TPO: variants seen among roughly 807,000 people sequenced by gnomAD.
The protein encoded by TPO is thyroid peroxidase.
TPO carries 78 observed loss-of-function variants against 96.9 expected under a neutral mutation model. The ratio of observed to expected loss-of-function variants is 0.81; its 90% confidence interval spans 0.67 to 0.97. The LOEUF is 0.97. Ranked by LOEUF, TPO falls within the 50% of genes least tolerant of loss-of-function variation. The pLI, the probability that TPO is intolerant of heterozygous loss-of-function variation, is 0.00. For synonymous variants in TPO, 547 were observed against 538.0 expected (o/e 1.02, Z -0.23); for missense variants, 1,252 against 1,274.8 (o/e 0.98, Z 0.27).
intron 1 of TPO, among the ~76,000 whole-genome samples, chr2:1,401,364 A>G (rs545521475): frequency 6.6e-6 from 1 of 152,294 alleles, no homozygotes; most frequent in South Asian, 2.1e-4. Context: ...CAATGCACCC[A>G]ATCAGTTAGA....
upstream of TPO, among the ~76,000 whole-genome samples, chr2:1,409,791 C>T (rs1200540849): frequency 1.9e-5 from 2 of 102,644 alleles, no homozygotes; most frequent in African/African-American, 8.2e-5. Flanking sequence ...AAAAACAGTG[C>T]GCGCACACAC....
intron 13 of TPO, among the ~76,000 whole-genome samples, chr2:1,499,740 C>T (rs1437551741): frequency 6.6e-6 from 1 of 152,194 alleles, no homozygotes; most frequent in African/African-American, 2.4e-5. Flanking sequence ...CATCGGCCAA[C>T]CCTAACTCAT....
Position 1,477,504 on chromosome 2 carries a change from AG to A in TPO, c.1239del (p.Glu413AspfsTer38), listed in dbSNP as rs1469585925. 3 of 1,531,604 alleles carry A rather than the reference AG, an allele frequency of 2.0e-6. No homozygotes were observed. Among genetic ancestry groups the A allele is most frequent in the Non-Finnish European group, 2.6e-6 (3 of 1,144,556 alleles). The allele number at this position is 1,531,604 out of a possible 1,614,324, so 94.9% of individuals were successfully genotyped here. On this transcript the variant is annotated frameshift_variant, in exon 8 of 17. Transcript: ENST00000329066. LOFTEE classifies it high-confidence loss of function. ...LTALHTLWLR[E>X]HNRLAAALKA... is the part of the protein sequence containing the mutation. ...GCACTGCACACGCTGTGGCTGCGCG[AG>A]CACAACCGCCTGGCCGCGGCGCTCA...
chr2:1,375,038 C>T (rs929322433), intron 1 of TPO, among the ~76,000 whole-genome samples: 2 of 152,002 alleles, frequency 1.3e-5, no homozygotes, highest in Non-Finnish European at 2.9e-5. Context: ...CATAGATATA[C>T]CTTTTCAACA....
chr2:1,421,198 C>T (rs1416759993), intron 2 of TPO, among the ~76,000 whole-genome samples: 1 of 152,122 alleles, frequency 6.6e-6, no homozygotes, highest in Non-Finnish European at 1.5e-5. Flanking sequence ...CGGCCGGGAG[C>T]ACTGAACGCT....
chr2:1,394,674 C>T (rs903284493), intron 1 of TPO, among the ~76,000 whole-genome samples: 5 of 152,194 alleles, frequency 3.3e-5, no homozygotes, highest in South Asian at 4.1e-4. Flanking sequence ...CTGTCCTGGA[C>T]GCATGGACCG....
At chr2:1,493,738 G>A (rs1039858309) in intron 10 of TPO, 64 bp from the exon 11 acceptor site, 33 of 1,589,506 alleles carry the variant, frequency 2.1e-5, no homozygotes, top group Non-Finnish European at 2.8e-5. Context: ...CATGGCATGA[G>A]TGAGATGGGC....
chr2:1,467,142 T>C (rs1668973870), intron 7 of TPO, among the ~76,000 whole-genome samples: 1 of 152,082 alleles, frequency 6.6e-6, no homozygotes. Flanking sequence ...TCGCTCTTGT[T>C]GCCCAGGCTG....
intron 15 of TPO, among the ~76,000 whole-genome samples, chr2:1,536,641 TCC>T (rs552769137): frequency 1.3e-4 from 2 of 15,612 alleles, no homozygotes; most frequent in Non-Finnish European, 2.1e-4. Flanking sequence ...CCTCCCCAAA[TCC>T]CCCCCCCCAC....
chr2:1,374,227 G>A (rs1400867737), exon 1 of TPO: 2 of 152,204 alleles, frequency 1.3e-5, no homozygotes, highest in African/African-American at 4.8e-5. Flanking sequence ...TGCAATGATT[G>A]TTGCTACAAG....
intron 15 of TPO, among the ~76,000 whole-genome samples, chr2:1,537,501 AATCCCCCCAAC>A: frequency 2.6e-5 from 1 of 38,446 alleles, no homozygotes; most frequent in Admixed American, 2.6e-4. Flanking sequence ...AGCCTCCCCA[AATCCCCCCAAC>A]TCTGTGCAAC....
intron 14 of TPO, chr2:1,512,268 T>C (rs1231940174): frequency 5.5e-6 from 2 of 360,464 alleles, no homozygotes; most frequent in African/African-American, 4.4e-5. Flanking sequence ...TTCCTACATC[T>C]TAAGGACTCT....
intron 1 of TPO, among the ~76,000 whole-genome samples, chr2:1,393,187 C>T (rs1453225032): frequency 6.6e-6 from 1 of 152,158 alleles, no homozygotes; most frequent in Non-Finnish European, 1.5e-5. Flanking sequence ...GGGAGCGAGG[C>T]GTCTCACAAG....
intron 15 of TPO, among the ~76,000 whole-genome samples, chr2:1,533,319 ACCT>A (rs1404246263): frequency 2.1e-5 from 1 of 46,740 alleles, no homozygotes; most frequent in Non-Finnish European, 3.7e-5. Context: ...ACTCTGCGCA[ACCT>A]CCTCAAATCC....
chr2:1,476,135 GC>G (rs1331321346), intron 7 of TPO, among the ~76,000 whole-genome samples: 1 of 152,218 alleles, frequency 6.6e-6, no homozygotes, highest in African/African-American at 2.4e-5. Flanking sequence ...CCCGAGAGGA[GC>G]TTTCCCCTTA....
intron 2 of TPO, among the ~76,000 whole-genome samples, chr2:1,421,509 A>G (rs988471375): frequency 6.6e-6 from 1 of 152,194 alleles, no homozygotes; most frequent in African/African-American, 2.4e-5. Flanking sequence ...AATGCCGGCA[A>G]CATCCCAAAA....
chr2:1,397,311 A>C (rs1662096213), intron 1 of TPO, among the ~76,000 whole-genome samples: 1 of 152,220 alleles, frequency 6.6e-6, no homozygotes, highest in Non-Finnish European at 1.5e-5. Flanking sequence ...GCAGGAAAAC[A>C]CAAGAAGCAC....
chr2:1,381,117 C>T (rs752182746), intron 1 of TPO, among the ~76,000 whole-genome samples: 3 of 152,100 alleles, frequency 2.0e-5, no homozygotes, highest in Admixed American at 6.5e-5. Context: ...GCAAAGACTT[C>T]GTGACTAAAA....
intron 7 of TPO, among the ~76,000 whole-genome samples, chr2:1,476,127 C>T (rs1439478512): frequency 2.0e-5 from 3 of 152,206 alleles, no homozygotes; most frequent in Non-Finnish European, 4.4e-5. Context: ...CACTTTGCCC[C>T]GAGAGGAGCT....
Sources: allele counts gnomAD v4.1 joint callset (sites outside exome capture counted in the v4.1 genomes callset), GRCh38; gene constraint gnomAD v4.1.1; transcripts MANE v1.5; gene names NCBI Gene and HGNC (gene_info 2026-07-23, HGNC 2026-07-21).